The following LAMA4 variants were observed in gnomAD, a reference collection of about 807,000 sequenced individuals.
The protein encoded by LAMA4 is laminin subunit alpha 4.
A neutral mutation model predicts 207.1 loss-of-function variants in LAMA4; 127 were observed. The ratio of observed to expected loss-of-function variants is 0.61; its 90% CI spans 0.53 to 0.71. LAMA4 has a LOEUF of 0.71. LAMA4 is among the 30% of genes least tolerant of loss of function. The pLI is 0.00. For missense variants in LAMA4, 2,093 were observed against 2,246.5 expected (o/e 0.93, Z 1.38); for synonymous variants, 761 against 816.0 (o/e 0.93, Z 1.15).
intron 17 of LAMA4, 76 bp from the exon 18 acceptor site, chr6:112,148,412 C>G: frequency 6.8e-7 from 1 of 1,481,132 alleles, no homozygotes; most frequent in Non-Finnish European, 9.4e-7. Context: ...ACCCCTTTAA[C>G]CCTTGAATGA....
Position 112,172,679 on chromosome 6 carries a change from C to G in LAMA4, c.1483G>C (p.Ala495Pro). The change falls in exon 12 of 39, where the codon GCC becomes CCC. Residue 495 changes from alanine (A) to proline (P), a missense_variant. Around this residue, in one of 3 missense-constraint regions of LAMA4, gnomAD observed 1,704 missense variants for 1,788.4 expected, o/e 0.95. Coordinates refer to ENST00000230538, the MANE Select transcript of LAMA4 (RefSeq NM_001105206.3). ...LSDLQEALDQ[A>P]LNYVRDAEDM... ...TCGGCATCCCTGACATAGTTAAGGGCCTGGTCAAGTGCTTCCTGGAGATCT... is the reference window on the plus strand; with the variant it reads ...TCGGCATCCCTGACATAGTTAAGGGGCTGGTCAAGTGCTTCCTGGAGATCT... The G allele has an allele frequency of 6.2e-7, 1 of 1,613,852 alleles. No individual in the cohort carries two copies. The highest frequency in any genetic ancestry group is 8.5e-7 in the Non-Finnish European group (1 of 1,179,978).
chr6:112,209,564 C>A (rs532529787), intron 3 of LAMA4, among the ~76,000 whole-genome samples: 3 of 152,302 alleles, frequency 2.0e-5, no homozygotes, highest in Non-Finnish European at 4.4e-5. Flanking sequence ...GTGCTGGAGG[C>A]AGGGAGAAAA....
At chr6:112,163,062 C>T (rs564930679) in intron 13 of LAMA4, among the ~76,000 whole-genome samples, 70 of 150,444 alleles carry the variant, frequency 4.7e-4, no homozygotes, top group Non-Finnish European at 8.6e-4. Context: ...GCCTGCACTT[C>T]CCGGGCTCAA....
At chr6:112,130,870 G>A in intron 29 of LAMA4, 98 bp downstream of exon 29, 1 of 1,330,434 alleles carries the variant, frequency 7.5e-7, no homozygotes. Context: ...TTTAACATTA[G>A]AAAAGTTATA....
chr6:112,115,130 C>T (rs772125182), intron 36 of LAMA4, among the ~76,000 whole-genome samples: 10 of 152,230 alleles, frequency 6.6e-5, no homozygotes, highest in Admixed American at 1.3e-4. Context: ...CCAGTTTTCT[C>T]GTTTGTAAAT....
chr6:112,162,159 C>T (rs1781091071), intron 13 of LAMA4: 1 of 152,160 alleles, frequency 6.6e-6, no homozygotes, highest in Non-Finnish European at 1.5e-5. Context: ...GCAGTAGAGA[C>T]AAGGAAAGTG....
intron 32 of LAMA4, among the ~76,000 whole-genome samples, chr6:112,121,472 A>T (rs1166451580): frequency 2.6e-5 from 4 of 152,248 alleles, no homozygotes; most frequent in Admixed American, 2.0e-4. Context: ...GCTATGTAAG[A>T]CCTATATAAA....
intron 29 of LAMA4, 22 bp downstream of exon 29, chr6:112,130,946 A>G: frequency 6.2e-7 from 1 of 1,611,346 alleles, no homozygotes; most frequent in Non-Finnish European, 8.5e-7. Flanking sequence ...TGGTGGAAAG[A>G]ATATGAAGTG....
chr6:112,207,201 G>A, intron 3 of LAMA4, 56 bp from the exon 4 acceptor site: 1 of 1,586,632 alleles, frequency 6.3e-7, no homozygotes, highest in Non-Finnish European at 8.6e-7. Context: ...TTTAGAGACA[G>A]CACATCTAAG....
intron 12 of LAMA4, 73 bp downstream of exon 12, chr6:112,172,538 A>G: frequency 7.0e-7 from 1 of 1,430,766 alleles, no homozygotes; most frequent in Non-Finnish European, 9.8e-7. Flanking sequence ...AAAAATTTAT[A>G]TCAACAGCCC....
At chr6:112,252,650 T>G (rs184464981) in intron 2 of LAMA4, among the ~76,000 whole-genome samples, 4 of 152,340 alleles carry the variant, frequency 2.6e-5, no homozygotes, top group Admixed American at 6.5e-5. Context: ...AATTTTACTC[T>G]TAAGTAAAAT....
chr6:112,154,686 C>T, intron 16 of LAMA4, 165 bp downstream of exon 16: 1 of 634,302 alleles, frequency 1.6e-6, no homozygotes. Flanking sequence ...TTTAAAGTAT[C>T]AAATCTTTGC....
intron 10 of LAMA4, 86 bp downstream of exon 10, chr6:112,178,035 A>C: frequency 1.1e-6 from 1 of 950,128 alleles, no homozygotes. Flanking sequence ...CACAGCAAAC[A>C]CTTAACAGTA....
chr6:112,210,653 A>G (rs1784310900), intron 3 of LAMA4, among the ~76,000 whole-genome samples: 1 of 152,198 alleles, frequency 6.6e-6, no homozygotes, highest in South Asian at 2.1e-4. Flanking sequence ...AACTGTTTCT[A>G]AATAATACTA....
Position 112,205,787 on chromosome 6 carries a change from T to C in LAMA4, c.422+1234A>G, listed in dbSNP as rs73542518. Among the ~76,000 whole-genome samples, 289 of 151,846 alleles carry C rather than the reference T, an allele frequency of 1.9e-3. 6 individuals carry two copies. The East Asian group carries it at 0.036, about 19-fold the overall frequency. Reference sequence around the variant, plus strand: ...GAACCAAACATGTAATTGGACGTTGTGAATTTCAACCCTCCCCACCCCCAA... The same window carrying C: ...GAACCAAACATGTAATTGGACGTTGCGAATTTCAACCCTCCCCACCCCCAA... On this transcript the variant is annotated intron_variant, in intron 4 of 38. Coordinates refer to ENST00000230538, the MANE Select transcript of LAMA4 (RefSeq NM_001105206.3).
chr6:112,216,778 G>A, intron 2 of LAMA4: 3 of 368,916 alleles, frequency 8.1e-6, no homozygotes, highest in Middle Eastern at 9.1e-4. Context: ...AACAGTAAGG[G>A]AGAAAAAAAT....
At chr6:112,168,026 A>ATGG in intron 12 of LAMA4, among the ~76,000 whole-genome samples, 1 of 151,920 alleles carries the variant, frequency 6.6e-6, no homozygotes, top group Non-Finnish European at 1.5e-5. Context: ...GTGAAACCCC[A>ATGG]TCTCTACTAA....
At chr6:112,125,368 A>G (rs1778628897) in intron 31 of LAMA4, among the ~76,000 whole-genome samples, 1 of 152,152 alleles carries the variant, frequency 6.6e-6, no homozygotes, top group African/African-American at 2.4e-5. Flanking sequence ...CGTGCACGTG[A>G]TCTACCTTGG....
chr6:112,141,436 G>A lies in LAMA4; in HGVS notation c.2735C>T (p.Thr912Ile), dbSNP rs782069745. The A allele has an allele frequency of 6.2e-7, 1 of 1,612,484 alleles. No individual in the cohort carries two copies. The highest frequency in any genetic ancestry group is 1.7e-5 in the Admixed American group (1 of 60,020). Residue 912 changes from threonine to isoleucine, a missense_variant, in exon 21 of 39, where the codon ACT becomes ATT. Thr to Ile is a moderately conservative substitution (Grantham distance 89, BLOSUM62 -1). Around this residue, in one of 3 missense-constraint regions of LAMA4, gnomAD observed 1,704 missense variants for 1,788.4 expected, o/e 0.95. Transcript: ENST00000230538. ...GTCCAGGGGAATCTCCACATCTTTAGTTCCCAAATTATAGACGTATACCAG... is the reference window on the plus strand; with the variant it reads ...GTCCAGGGGAATCTCCACATCTTTAATTCCCAAATTATAGACGTATACCAG... ...DNLVYVYNLGTKDVEIPLDSK... is the reference protein window; with the variant it reads ...DNLVYVYNLGIKDVEIPLDSK...
Sources: allele counts gnomAD v4.1 joint callset (sites outside exome capture counted in the v4.1 genomes callset), GRCh38; gene constraint gnomAD v4.1.1; regional missense constraint gnomAD v4.1.1; transcripts MANE v1.5; gene names NCBI Gene and HGNC (gene_info 2026-07-23, HGNC 2026-07-21).